The following NCOA1 variants were observed in gnomAD, a reference collection of about 807,000 sequenced individuals.
NCOA1 encodes Hin-2 protein.
Under a neutral mutation model 150.9 loss-of-function variants are expected in NCOA1, and 35 were observed. The observed-to-expected ratio is 0.23, with a 90% CI of 0.18 to 0.31. The LOEUF (loss-of-function observed/expected upper bound fraction) is 0.31. Among genes scored for constraint, NCOA1 ranks in the 10% least tolerant of loss-of-function variants. The probability of loss-of-function intolerance (pLI) is 1.00; values close to 1 mark genes in which losing one functional copy is unlikely to be tolerated. For missense variants in NCOA1, 1,491 were observed against 1,749.3 expected, an observed-to-expected ratio of 0.85 and a Z score of 2.63; for synonymous variants, 590 against 630.0, an observed-to-expected ratio of 0.94 and a Z score of 0.95.
chr2:24,602,448 A>G (rs960545184), intron 3 of NCOA1, among the ~76,000 whole-genome samples: 2 of 152,036 alleles, frequency 1.3e-5, no homozygotes, highest in African/African-American at 4.8e-5. Flanking sequence ...CAATCTGCCT[A>G]CCTCAGCCTG....
At chr2:24,494,751 A>G (rs1015900649) in intron 1 of NCOA1, among the ~76,000 whole-genome samples, 8 of 152,088 alleles carry the variant, frequency 5.3e-5, no homozygotes, top group African/African-American at 1.7e-4. Context: ...ATGTCAGAAC[A>G]CTGTATCTGA....
intron 16 of NCOA1, 132 bp downstream of exon 16, chr2:24,728,608 C>A: frequency 3.0e-6 from 2 of 670,458 alleles, no homozygotes; most frequent in Non-Finnish European, 4.5e-6. Context: ...TGAAACTTAT[C>A]AAAATATATG....
At chr2:24,635,480 TA>T (rs1669902446) in intron 3 of NCOA1, among the ~76,000 whole-genome samples, 2 of 151,896 alleles carry the variant, frequency 1.3e-5, no homozygotes. Context: ...AAAATAAAAA[TA>T]AAAAAATAAA....
chr2:24,738,364 G>A (rs145577175), intron 17 of NCOA1, among the ~76,000 whole-genome samples: 27 of 151,762 alleles, frequency 1.8e-4, no homozygotes, highest in East Asian at 1.7e-3. Context: ...GTTATCTTCC[G>A]GAATAGTTTA....
At chr2:24,655,860 G>T (rs1386444291) in intron 4 of NCOA1, among the ~76,000 whole-genome samples, 1 of 151,792 alleles carries the variant, frequency 6.6e-6, no homozygotes, top group East Asian at 1.9e-4. Flanking sequence ...AGGCCGAGGT[G>T]GGCAGATCAC....
At chr2:24,669,775 T>G (rs1344887964) in intron 6 of NCOA1, among the ~76,000 whole-genome samples, 1 of 152,202 alleles carries the variant, frequency 6.6e-6, no homozygotes, top group Non-Finnish European at 1.5e-5. Flanking sequence ...CCAATATCAT[T>G]AGCCATTAGG....
At chr2:24,679,722 G>T (rs1672079808) in intron 7 of NCOA1, among the ~76,000 whole-genome samples, 1 of 152,070 alleles carries the variant, frequency 6.6e-6, no homozygotes, top group African/African-American at 2.4e-5. Context: ...ATTTAGATAT[G>T]AGTGTACTTT....
chr2:24,526,600 A>C (rs543515861), intron 1 of NCOA1, among the ~76,000 whole-genome samples: 1 of 152,184 alleles, frequency 6.6e-6, no homozygotes, highest in African/African-American at 2.4e-5. Flanking sequence ...ACTGTTCTTC[A>C]TTCTTGTGCT....
At chr2:24,595,598 A>G (rs1558823209) in intron 3 of NCOA1, among the ~76,000 whole-genome samples, 1 of 152,128 alleles carries the variant, frequency 6.6e-6, no homozygotes, top group African/African-American at 2.4e-5. Context: ...GCCAGCCTCC[A>G]TTTTTACAGA....
chr2:24,744,994 C>G (rs909693252), intron 19 of NCOA1, among the ~76,000 whole-genome samples: 1 of 152,134 alleles, frequency 6.6e-6, no homozygotes, highest in African/African-American at 2.4e-5. Flanking sequence ...TAGCCTCTTT[C>G]CACTTAATGT....
Position 24,705,168 on chromosome 2 carries a change from T to C in NCOA1, c.1032T>C (p.Cys344=). Residue 344 remains cysteine, a synonymous_variant, in exon 12 of 23, where the codon TGT becomes TGC. Coordinates refer to ENST00000348332, the MANE Select transcript of NCOA1 (RefSeq NM_003743.5). ...CAATGCTTAGCGCCCACACCAAGTG[T>C]AAACTTTGCTACCCTCAAAGTCCAG... ...DGTMLSAHTK[C]KLCYPQSPDM... 1.2e-6 allele frequency: 2 copies of C among 1,614,074 alleles called. No homozygotes were observed. The highest frequency in any genetic ancestry group is 2.7e-5 in the African/African-American group (2 of 75,050).
At chr2:24,537,414 A>G (rs1383535868) in intron 1 of NCOA1, among the ~76,000 whole-genome samples, 2 of 151,882 alleles carry the variant, frequency 1.3e-5, no homozygotes, top group Non-Finnish European at 2.9e-5. Flanking sequence ...GTGGGAGATT[A>G]TATATATATG....
At chr2:24,710,823 T>G in intron 13 of NCOA1, 108 bp from the exon 14 acceptor site, 1 of 1,072,968 alleles carries the variant, frequency 9.3e-7, no homozygotes, top group Non-Finnish European at 1.4e-6. Flanking sequence ...CTTCATTATC[T>G]CAAAGTCACA....
intron 6 of NCOA1, among the ~76,000 whole-genome samples, chr2:24,669,679 A>T (rs1337946682): frequency 6.6e-6 from 1 of 152,222 alleles, no homozygotes; most frequent in Non-Finnish European, 1.5e-5. Context: ...TAATAAAAAG[A>T]TAACATAATT....
At chr2:24,634,922 G>C (rs1013528404) in intron 3 of NCOA1, among the ~76,000 whole-genome samples, 6 of 152,006 alleles carry the variant, frequency 3.9e-5, no homozygotes, top group Non-Finnish European at 7.4e-5. Flanking sequence ...TCACTTTGTT[G>C]CCCAAGCTAT....
At chr2:24,738,466 T>C (rs555887141) in intron 17 of NCOA1, among the ~76,000 whole-genome samples, 1 of 152,300 alleles carries the variant, frequency 6.6e-6, no homozygotes, top group East Asian at 1.9e-4. Flanking sequence ...TGTTACCAGA[T>C]ACTGTTAAGG....
At chr2:24,643,878 TC>T (rs1253597780) in intron 3 of NCOA1, 87 bp from the exon 4 acceptor site, 1 of 152,202 alleles carries the variant, frequency 6.6e-6, no homozygotes, top group African/African-American at 2.4e-5. Context: ...TTTTTCTTTT[TC>T]TAGCATATCT....
intron 3 of NCOA1, among the ~76,000 whole-genome samples, chr2:24,634,389 C>G (rs1372192951): frequency 1.3e-5 from 2 of 152,240 alleles, no homozygotes; most frequent in Admixed American, 1.3e-4. Flanking sequence ...GGCCCTTTGC[C>G]TAACTCCAAA....
At chr2:24,532,949 C>A (rs981816716) in intron 1 of NCOA1, among the ~76,000 whole-genome samples, 2 of 152,044 alleles carry the variant, frequency 1.3e-5, no homozygotes, top group African/African-American at 4.8e-5. Flanking sequence ...TTTTTTGGTT[C>A]CATATGAACT....
Sources: gnomAD v4.1 joint callset for allele counts (sites outside exome capture counted in the v4.1 genomes callset) on GRCh38, gnomAD v4.1.1 for gene constraint, MANE v1.5 for transcripts, NCBI Gene and HGNC (gene_info 2026-07-23, HGNC 2026-07-21) for gene names.